The following MITF variants were observed in gnomAD, a reference collection of about 807,000 sequenced individuals.
The protein encoded by MITF is microphthalmia-associated transcription factor.
MITF carries 17 observed loss-of-function variants against 60.5 expected under a neutral mutation model. That is an observed-to-expected ratio of 0.28 (90% CI 0.19 to 0.42). The LOEUF is 0.42. MITF is among the 10% of genes least tolerant of loss of function. MITF has a pLI of 1.00. For synonymous variants in MITF, 260 were observed against 248.5 expected, an observed-to-expected ratio of 1.05 and a Z score of -0.43; for missense variants, 622 against 683.5, an observed-to-expected ratio of 0.91 and a Z score of 1.00.
At chr3:69,769,339 C>T (rs2062355656) in intron 1 of MITF, 1 of 152,152 alleles carries the variant, frequency 6.6e-6, no homozygotes, top group African/African-American at 2.4e-5. Flanking sequence ...CTAGTTAGCA[C>T]TCATATCTTA....
At chr3:69,855,478 C>G (rs578192160) in intron 1 of MITF, among the ~76,000 whole-genome samples, 2 of 151,772 alleles carry the variant, frequency 1.3e-5, no homozygotes, top group East Asian at 3.9e-4. Context: ...ATGATAGGGC[C>G]TTTTGACCTC....
chr3:69,749,410 G>C (rs1334525372), intron 1 of MITF, among the ~76,000 whole-genome samples: 2 of 152,206 alleles, frequency 1.3e-5, no homozygotes, highest in African/African-American at 4.8e-5. Context: ...TGCTGTATTG[G>C]TGAGCCTGCA....
intron 1 of MITF, among the ~76,000 whole-genome samples, chr3:69,848,274 C>A (rs2063765485): frequency 6.6e-6 from 1 of 152,162 alleles, no homozygotes; most frequent in Non-Finnish European, 1.5e-5. Context: ...GATATCCTGG[C>A]CAGCGTTCTG....
At chr3:69,827,220 T>G (rs1351270142) in intron 1 of MITF, among the ~76,000 whole-genome samples, 1 of 152,178 alleles carries the variant, frequency 6.6e-6, no homozygotes, top group African/African-American at 2.4e-5. Context: ...AAATTCAGCT[T>G]TACCCTCAAG....
intron 1 of MITF, among the ~76,000 whole-genome samples, chr3:69,742,425 C>T (rs1489003461): frequency 6.6e-6 from 1 of 152,124 alleles, no homozygotes; most frequent in Non-Finnish European, 1.5e-5. Context: ...TCATTCTCTG[C>T]CCAGAACCTG....
chr3:69,909,009 T>TTTTG (rs1575937322), intron 2 of MITF, among the ~76,000 whole-genome samples: 2 of 152,176 alleles, frequency 1.3e-5, no homozygotes, highest in South Asian at 4.1e-4. Flanking sequence ...TATTAGGTTT[T>TTTTG]TTTGTTTGTT....
chr3:69,947,355 C>A (rs1184555556), intron 5 of MITF, among the ~76,000 whole-genome samples: 1 of 152,146 alleles, frequency 6.6e-6, no homozygotes, highest in Non-Finnish European at 1.5e-5. Flanking sequence ...TAAGTTTAGT[C>A]TTTCTGGTAC....
intron 2 of MITF, among the ~76,000 whole-genome samples, chr3:69,926,721 A>C (rs992215853): frequency 7.2e-5 from 11 of 152,324 alleles, no homozygotes; most frequent in Admixed American, 3.9e-4. Flanking sequence ...CTATTGAACC[A>C]CGTAATTGTG....
chr3:69,911,246 C>G (rs1318307803), intron 2 of MITF, among the ~76,000 whole-genome samples: 1 of 152,188 alleles, frequency 6.6e-6, no homozygotes, highest in Non-Finnish European at 1.5e-5. Flanking sequence ...CCGTGTGGAA[C>G]TGTAAGTCCA....
chr3:69,739,545 C>G lies in MITF; in HGVS notation c.-53C>G, dbSNP rs1019767091. 2 of 1,487,482 alleles carry G rather than the reference C, an allele frequency of 1.3e-6. No individual in the cohort carries two copies. The highest frequency in any genetic ancestry group is 1.8e-6 in the Non-Finnish European group (2 of 1,088,698). The allele number at this position is 1,487,482 out of a possible 1,614,324, so 92.1% of individuals were successfully genotyped here. On this transcript the variant is annotated 5_prime_UTR_variant, in exon 1 of 10. Coordinates refer to ENST00000352241, the MANE Select transcript of MITF (RefSeq NM_001354604.2). ...CCCAGGCCCAGCTACCTTCCCTCCG[C>G]CCCCGGGCTCTGTTCTCACTTTCCA...
At chr3:69,790,169 C>G (rs2062717710) in intron 1 of MITF, among the ~76,000 whole-genome samples, 1 of 151,896 alleles carries the variant, frequency 6.6e-6, no homozygotes, top group Non-Finnish European at 1.5e-5. Flanking sequence ...GTTAAGTAAG[C>G]CAGTGACAAG....
At chr3:69,888,357 G>A (rs1027278406) in intron 2 of MITF, among the ~76,000 whole-genome samples, 4 of 151,712 alleles carry the variant, frequency 2.6e-5, no homozygotes, top group Non-Finnish European at 5.9e-5. Context: ...TGTTTTTCTA[G>A]TGAAGTAGTA....
At chr3:69,785,894 G>A (rs116452263) in intron 1 of MITF, among the ~76,000 whole-genome samples, 14 of 152,306 alleles carry the variant, frequency 9.2e-5, no homozygotes, top group African/African-American at 2.9e-4. Flanking sequence ...GATCTGTACC[G>A]TGGATGAAGG....
intron 2 of MITF, among the ~76,000 whole-genome samples, chr3:69,906,232 T>C (rs2065095940): frequency 6.6e-6 from 1 of 152,150 alleles, no homozygotes; most frequent in Admixed American, 6.5e-5. Context: ...TTCCCTTTCA[T>C]TGCCTTTGTA....
chr3:69,929,224 C>T (rs147021415), intron 2 of MITF, among the ~76,000 whole-genome samples: 60 of 152,264 alleles, frequency 3.9e-4, no homozygotes, highest in Middle Eastern at 3.4e-3. Context: ...GCTTCACTGA[C>T]GTACCAAATA....
intron 1 of MITF, among the ~76,000 whole-genome samples, chr3:69,798,515 T>C (rs1464129661): frequency 1.3e-5 from 2 of 152,262 alleles, no homozygotes; most frequent in Non-Finnish European, 2.9e-5. Flanking sequence ...GCTACTATTA[T>C]TATGATTGTG....
At position 69,964,866 on chromosome 3, in the gene MITF, G is replaced by T; in HGVS notation, c.1199G>T (p.Arg400Leu). 6.2e-7 allele frequency: 1 copy of T among 1,613,968 alleles called. No individual in the cohort carries two copies. The highest frequency in any genetic ancestry group is 8.5e-7 in the Non-Finnish European group (1 of 1,179,982). Residue 400 changes from arginine (R) to leucine (L), a missense_variant, in exon 10 of 10, where the codon CGA becomes CTA. Coordinates refer to ENST00000352241, the MANE Select transcript of MITF (RefSeq NM_001354604.2). ...TTATAGGAACTTGAAATGCAGGCTC[G>T]AGCTCATGGACTTTCCCTTATTCCA... ...LRIQELEMQA[R>L]AHGLSLIPST...
At chr3:69,877,112 A>G (rs1013168482) in intron 1 of MITF, among the ~76,000 whole-genome samples, 4 of 152,180 alleles carry the variant, frequency 2.6e-5, no homozygotes, top group African/African-American at 9.6e-5. Flanking sequence ...CCCTCTTGTT[A>G]CATACATTTC....
intron 1 of MITF, chr3:69,866,459 A>G (rs1352300055): frequency 3.3e-6 from 4 of 1,230,466 alleles, no homozygotes; most frequent in African/African-American, 1.6e-5. Flanking sequence ...AGTTAAAAAT[A>G]CTGAAGCTGT....
Sources: gnomAD v4.1 joint callset for allele counts (sites outside exome capture counted in the v4.1 genomes callset) on GRCh38, gnomAD v4.1.1 for gene constraint, MANE v1.5 for transcripts, NCBI Gene and HGNC (gene_info 2026-07-23, HGNC 2026-07-21) for gene names.